The following CNTNAP2 variants were observed in gnomAD, a reference collection of about 807,000 sequenced individuals.
CNTNAP2 encodes contactin-associated protein-like 2.
In CNTNAP2, 98 loss-of-function variants were observed where a neutral mutation model predicts 155.2. The ratio of observed to expected loss-of-function variants is 0.63; its 90% confidence interval spans 0.54 to 0.75. The LOEUF is 0.75. Ranked by LOEUF, CNTNAP2 falls within the 30% of genes least tolerant of loss-of-function variation. The pLI is 0.00. For missense variants in CNTNAP2, 1,727 were observed against 1,688.1 expected (o/e 1.02, Z -0.40); for synonymous variants, 651 against 631.2 (o/e 1.03, Z -0.47).
At chr7:148,226,335 G>A (rs1795847690) in intron 19 of CNTNAP2, among the ~76,000 whole-genome samples, 1 of 152,094 alleles carries the variant, frequency 6.6e-6, no homozygotes. Flanking sequence ...TAGGTAGGTA[G>A]ACACACGAGC....
chr7:147,177,854 C>CTGGGTACTA (rs1363692157), intron 8 of CNTNAP2, among the ~76,000 whole-genome samples: 1 of 152,116 alleles, frequency 6.6e-6, no homozygotes. Flanking sequence ...TGTAGCACAA[C>CTGGGTACTA]CCTAAATGGG....
intron 9 of CNTNAP2, among the ~76,000 whole-genome samples, chr7:147,391,399 G>T (rs1796716106): frequency 6.6e-6 from 1 of 152,052 alleles, no homozygotes; most frequent in African/African-American, 2.4e-5. Flanking sequence ...GTTTACAGCT[G>T]CATAGACTCC....
chr7:147,675,892 G>C (rs982012867), intron 13 of CNTNAP2, among the ~76,000 whole-genome samples: 1 of 151,966 alleles, frequency 6.6e-6, no homozygotes, highest in Non-Finnish European at 1.5e-5. Flanking sequence ...TAATTCTTTA[G>C]AGCACAAGTT....
At chr7:147,815,423 A>G (rs1436041601) in intron 13 of CNTNAP2, among the ~76,000 whole-genome samples, 1 of 151,694 alleles carries the variant, frequency 6.6e-6, no homozygotes, top group Non-Finnish European at 1.5e-5. Flanking sequence ...CTGGCTGTCA[A>G]CAGGGAACCA....
At chr7:148,203,492 C>G (rs187950571) in intron 18 of CNTNAP2, among the ~76,000 whole-genome samples, 3 of 152,250 alleles carry the variant, frequency 2.0e-5, no homozygotes, top group Admixed American at 1.3e-4. Flanking sequence ...CATCTGTAAT[C>G]CCAGCACTTA....
chr7:146,161,300 A>G (rs1443842292), intron 1 of CNTNAP2, among the ~76,000 whole-genome samples: 1 of 152,240 alleles, frequency 6.6e-6, no homozygotes, highest in East Asian at 1.9e-4. Flanking sequence ...CAAGGCAGCT[A>G]TGCCCTCTCT....
rs1799054137 is a variant in CNTNAP2 at position 147,857,189 on chromosome 7, A to G, written c.2099-46376A>G. ...GTCGGTAGCCAAAATAAAATTATGTAAAGGTTAATCAGGATGTTTCCTGTA... is the reference window on the plus strand; with the variant it reads ...GTCGGTAGCCAAAATAAAATTATGTGAAGGTTAATCAGGATGTTTCCTGTA... On this transcript the variant is annotated intron_variant, in intron 13 of 23. Coordinates refer to ENST00000361727, the MANE Select transcript of CNTNAP2 (RefSeq NM_014141.6). 3.9e-5 allele frequency among the ~76,000 whole-genome samples: 6 copies of G among 152,236 alleles called. No individual in the cohort carries two copies. In the South Asian group the frequency reaches 1.2e-3, roughly 32 times the overall value.
At chr7:146,216,694 A>G (rs1799119394) in intron 1 of CNTNAP2, among the ~76,000 whole-genome samples, 1 of 152,244 alleles carries the variant, frequency 6.6e-6, no homozygotes, top group South Asian at 2.1e-4. Flanking sequence ...TGCTCAAAGC[A>G]GAGTACAAAG....
chr7:148,375,369 A>AT lies in CNTNAP2; in HGVS notation c.3476-8272dup, dbSNP rs544843413. ...ATATATAGTATATTATATATATACA[A>AT]TTTTTTTTGAGACAGAGTCTTGCCC... On this transcript the variant is annotated intron_variant, in intron 21 of 23. Transcript: ENST00000361727. 5.3e-3 allele frequency among the ~76,000 whole-genome samples: 785 copies of AT among 147,706 alleles called. 6 individuals are homozygous for AT. The highest frequency in any genetic ancestry group is 0.018 in the African/African-American group (720 of 40,650).
At chr7:147,502,739 GTGTATA>G (rs766872783) in intron 11 of CNTNAP2, among the ~76,000 whole-genome samples, 34 of 83,036 alleles carry the variant, frequency 4.1e-4, no homozygotes, top group East Asian at 2.6e-3. Flanking sequence ...GTGTGTGTGT[GTGTATA>G]TATATATATA....
intron 9 of CNTNAP2, among the ~76,000 whole-genome samples, chr7:147,353,197 G>C (rs779665841): frequency 1.3e-5 from 2 of 150,944 alleles, no homozygotes; most frequent in African/African-American, 4.9e-5. Flanking sequence ...TGTTCAGAAC[G>C]TGCAGTTTTG....
chr7:146,421,449 G>T (rs1172737373), intron 1 of CNTNAP2, among the ~76,000 whole-genome samples: 1 of 151,892 alleles, frequency 6.6e-6, no homozygotes, highest in Non-Finnish European at 1.5e-5. Context: ...TACACAGAAG[G>T]TTTTATGGAA....
chr7:146,890,823 A>C lies in CNTNAP2; in HGVS notation c.402+50919A>C, dbSNP rs191998300. On this transcript the variant is annotated intron_variant, in intron 3 of 23. Transcript: ENST00000361727. ...TACATCAGCCTGTGTAACTATGATC[A>C]TACATCATTACTTGATATTAGCCCT... Among the ~76,000 whole-genome samples, 310 of 152,322 alleles carry C rather than the reference A, an allele frequency of 2.0e-3. 3 individuals are homozygous for C. The highest frequency in any genetic ancestry group is 7.3e-3 in the African/African-American group (303 of 41,580).
intron 2 of CNTNAP2, among the ~76,000 whole-genome samples, chr7:146,811,183 G>C (rs1435246363): frequency 6.6e-6 from 1 of 152,038 alleles, no homozygotes; most frequent in Non-Finnish European, 1.5e-5. Context: ...TCAATTTTTG[G>C]GGGGGAGATT....
At chr7:148,010,658 A>G (rs1802063128) in intron 15 of CNTNAP2, among the ~76,000 whole-genome samples, 1 of 73,526 alleles carries the variant, frequency 1.4e-5, no homozygotes, top group South Asian at 3.6e-4. Context: ...GTCATACATC[A>G]AGGTTTTTTT....
intron 8 of CNTNAP2, among the ~76,000 whole-genome samples, chr7:147,197,409 C>T (rs994786090): frequency 7.0e-6 from 1 of 142,128 alleles, no homozygotes; most frequent in Non-Finnish European, 1.5e-5. Flanking sequence ...TTTTCTTGCT[C>T]TGTGTGTTTC....
intron 21 of CNTNAP2, among the ~76,000 whole-genome samples, chr7:148,366,654 T>A (rs1389507915): frequency 6.6e-6 from 1 of 152,238 alleles, no homozygotes; most frequent in Non-Finnish European, 1.5e-5. Flanking sequence ...ATTTTACTTT[T>A]AAAATTGCTC....
chr7:148,365,040 G>A (rs576044665), intron 21 of CNTNAP2, among the ~76,000 whole-genome samples: 64 of 152,308 alleles, frequency 4.2e-4, no homozygotes, highest in South Asian at 1.0e-3. Context: ...CTTAAGAGCT[G>A]TAACAGTCAC....
Position 147,189,823 on chromosome 7 carries a change from T to C in CNTNAP2, c.1348+57314T>C, listed in dbSNP as rs545887205. The stretch of plus-strand genomic sequence containing the variant: ...GCAGTGGCGCGATCTCGGCTCACTG[T>C]AAGCTCCGCCCCCCAAGTTCACACC... On this transcript the variant is annotated intron_variant, in intron 8 of 23. Transcript: ENST00000361727. Among the ~76,000 whole-genome samples, 237 of 152,112 alleles carry C rather than the reference T, an allele frequency of 1.6e-3. 1 individual carries two copies. The highest frequency in any genetic ancestry group is 3.2e-3 in the African/African-American group (132 of 41,512).
Sources: allele counts gnomAD v4.1 joint callset (sites outside exome capture counted in the v4.1 genomes callset), GRCh38; gene constraint gnomAD v4.1.1; transcripts MANE v1.5; gene names NCBI Gene and HGNC (gene_info 2026-07-23, HGNC 2026-07-21).